THSD1: variants seen among roughly 807,000 people sequenced by gnomAD.
THSD1 encodes the protein thrombospondin type 1 domain containing 1, also known as thrombospondin type-1 domain-containing protein 1.
In THSD1, 34 loss-of-function variants were observed where a neutral mutation model predicts 46.3. The observed-to-expected ratio is 0.74, with a 90% CI of 0.56 to 0.98. The LOEUF (loss-of-function observed/expected upper bound fraction) is 0.98, where lower values mean the gene tolerates loss of function less well. Ranked by LOEUF, THSD1 falls within the 50% of genes least tolerant of loss-of-function variation. THSD1 has a pLI of 0.00. For missense variants in THSD1, 1,023 were observed against 1,058.3 expected (o/e 0.97, Z 0.46); for synonymous variants, 407 against 416.5 (o/e 0.98, Z 0.28).
intron 4 of THSD1, 105 bp from the exon 5 acceptor site, chr13:52,378,894 G>C (rs1957668842): frequency 1.6e-6 from 2 of 1,241,984 alleles, no homozygotes; most frequent in East Asian, 2.7e-5. Context: ...ATGGAGTCTT[G>C]CTCTGTTGCC....
chr13:52,392,591 C>T (rs1314374799), intron 3 of THSD1, among the ~76,000 whole-genome samples: 1 of 152,194 alleles, frequency 6.6e-6, no homozygotes, highest in Non-Finnish European at 1.5e-5. Context: ...ACCTGTTTGT[C>T]CAGGCTAAAT....
intron 3 of THSD1, among the ~76,000 whole-genome samples, chr13:52,391,654 T>C (rs1957773621): frequency 6.6e-6 from 1 of 151,856 alleles, no homozygotes. Flanking sequence ...AGCAATTCCC[T>C]TGCCTCAGGC....
chr13:52,378,182 C>T lies in THSD1; in HGVS notation c.1788G>A (p.Ala596=), dbSNP rs74888104. ...AGGGAGGCCTTTCCCCGGCACTGAC[C>T]GCGGGCTGCTCCGGAAATGGGGATT... is the stretch of plus-strand genomic sequence containing the variant. ...RIKSPFPEQP[A]VSAGERPPSR... is the part of the protein sequence containing the mutation. Residue 596 remains alanine (A), a synonymous_variant, in exon 5 of 5, where the codon GCG becomes GCA. Transcript: ENST00000258613. The T allele has an allele frequency of 1.5e-4, 250 of 1,614,180 alleles. 1 individual carries two copies. In the African/African-American group the frequency reaches 2.7e-3, roughly 17 times the overall value.
intron 4 of THSD1, among the ~76,000 whole-genome samples, chr13:52,379,587 G>A (rs538328717): frequency 7.1e-4 from 108 of 152,004 alleles, no homozygotes; most frequent in African/African-American, 2.5e-3. Flanking sequence ...TGATTCTCCC[G>A]CCTCAGCCTC....
At chr13:52,396,301 A>G (rs1957810249) in intron 3 of THSD1, among the ~76,000 whole-genome samples, 1 of 152,134 alleles carries the variant, frequency 6.6e-6, no homozygotes, top group Non-Finnish European at 1.5e-5. Context: ...AGGCATGTGG[A>G]TCACAAGGTC....
rs146860541 is a variant in THSD1, at chr13:52,378,521, G to A, written c.1449C>T (p.Asp483=). The part of the protein sequence containing the change: ...EQRGSFSDGG[D]GPTGSPGDTG... ...TGTCCCCTGGACTCCCCGTGGGCCC[G>A]TCTCCCCCATCCGAGAAGCTCCCGC... The change falls in exon 5 of 5, where the codon GAC becomes GAT. Residue 483 remains aspartate, a synonymous_variant. Coordinates refer to ENST00000258613, the MANE Select transcript of THSD1 (RefSeq NM_018676.4). The A allele has an allele frequency of 1.1e-4, 180 of 1,613,974 alleles. No individual in the cohort carries two copies. Among genetic ancestry groups the A allele is most frequent in the Admixed American group, 1.7e-4 (10 of 59,994 alleles).
intron 3 of THSD1, among the ~76,000 whole-genome samples, chr13:52,388,077 G>A (rs1210320353): frequency 1.3e-5 from 2 of 151,534 alleles, no homozygotes; most frequent in Non-Finnish European, 2.9e-5. Context: ...CACCAGAGAA[G>A]AATGACAATA....
intron 2 of THSD1, among the ~76,000 whole-genome samples, chr13:52,401,591 G>A (rs1957862844): frequency 6.6e-6 from 1 of 152,128 alleles, no homozygotes; most frequent in Non-Finnish European, 1.5e-5. Flanking sequence ...GAGCCACCGC[G>A]CCCGGCCAAA....
intron 4 of THSD1, among the ~76,000 whole-genome samples, chr13:52,382,534 G>A (rs1228009005): frequency 6.6e-6 from 1 of 152,016 alleles, no homozygotes; most frequent in Admixed American, 6.6e-5. Context: ...CTGGCCTCAC[G>A]TCTCCCACCC....
Position 52,378,482 on chromosome 13 carries a change from C to T in THSD1, c.1488G>A (p.Leu496=). The T allele has an allele frequency of 6.2e-7, 1 of 1,614,214 alleles. No individual in the cohort carries two copies. The highest frequency in any genetic ancestry group is 8.5e-7 in the Non-Finnish European group (1 of 1,180,038). Residue 496 remains leucine, a synonymous_variant, in exon 5 of 5, where the codon CTG becomes CTA. Transcript: ENST00000258613. The part of the protein sequence containing the change: ...TGSPGDTGIP[L]TYRRSGPVPP... Reference sequence around the variant, plus strand: ...GTACCGGCCCGCTCCGCCTGTAGGTCAGAGGGATGCCTGTGTCCCCTGGAC... The same window carrying T: ...GTACCGGCCCGCTCCGCCTGTAGGTTAGAGGGATGCCTGTGTCCCCTGGAC...
rs1370479713 is a variant in THSD1, at chr13:52,377,549, A to C, written c.2421T>G (p.Pro807=). The C allele has an allele frequency of 6.2e-7, 1 of 1,602,412 alleles. No individual in the cohort carries two copies. The highest frequency in any genetic ancestry group is 1.1e-5 in the South Asian group (1 of 90,704). Residue 807 remains proline, a synonymous_variant, in exon 5 of 5, where the codon CCT becomes CCG. Transcript: ENST00000258613. ...ACGTATTGTCATAGAAGGCAAACTC[A>C]GGGTGAGTGGGGAAGCTTTGACACT... is the stretch of plus-strand genomic sequence containing the variant. The part of the protein sequence containing the change: ...KDKCQSFPTH[P]EFAFYDNTSF...
chr13:52,387,594 T>TAACA (rs1291167082), intron 3 of THSD1, among the ~76,000 whole-genome samples: 12 of 152,208 alleles, frequency 7.9e-5, no homozygotes, highest in African/African-American at 2.9e-4. Flanking sequence ...GTGAACAAGA[T>TAACA]GCATAAACAG....
Position 52,385,951 on chromosome 13 carries a change from T to C in THSD1, c.1180+77A>G. On this transcript the variant is annotated intron_variant, in intron 4 of 4. Transcript: ENST00000258613. The stretch of plus-strand genomic sequence containing the variant: ...ACTCCTGATCTTAGACTGGTAACTC[T>C]CAGGCAGGCCTGGGTTCAATATTCC... 7 of 1,395,850 alleles carry C rather than the reference T, an allele frequency of 5.0e-6. No homozygotes were observed. The South Asian group carries it at 7.9e-5, about 16-fold the overall frequency. 86.5% of individuals were successfully genotyped at this position (1,395,850 alleles called of 1,614,324 possible). A position where few individuals can be genotyped will look rare whatever the true frequency, so the allele number is the denominator to read the frequency against.
intron 3 of THSD1, among the ~76,000 whole-genome samples, chr13:52,396,333 C>T (rs1183635866): frequency 6.6e-6 from 1 of 152,094 alleles, no homozygotes; most frequent in Non-Finnish European, 1.5e-5. Context: ...ACCATCCTGG[C>T]TAACACAGTG....
chr13:52,377,749 C>G lies in THSD1; in HGVS notation c.2221G>C (p.Gly741Arg). The G allele has an allele frequency of 1.2e-6, 2 of 1,614,084 alleles. No homozygotes were observed. The highest frequency in any genetic ancestry group is 4.5e-5 in the East Asian group (2 of 44,874). The change falls in exon 5 of 5, where the codon GGG (glycine) becomes CGG (arginine). Residue 741 changes from glycine to arginine, a missense_variant. Gly to Arg is a moderately radical substitution (Grantham distance 125). Coordinates refer to ENST00000258613, the MANE Select transcript of THSD1 (RefSeq NM_018676.4). ...GCCACTAATCCTGCCTGGTGATCCC[C>G]AAGGTCTGGTTTCCTCAAGGGCTGC... Reference protein sequence around the residue: ...LGQPLRKPDLGDHQAGLVAGI... With the variant: ...LGQPLRKPDLRDHQAGLVAGI...
At chr13:52,394,595 C>T (rs1349757187) in intron 3 of THSD1, among the ~76,000 whole-genome samples, 1 of 146,578 alleles carries the variant, frequency 6.8e-6, no homozygotes, top group Non-Finnish European at 1.5e-5. Flanking sequence ...GCCTGGGCAA[C>T]AGAGCAAGAC....
At chr13:52,387,431 A>G (rs900858894) in intron 3 of THSD1, among the ~76,000 whole-genome samples, 80 of 152,224 alleles carry the variant, frequency 5.3e-4, no homozygotes, top group African/African-American at 1.7e-3. Flanking sequence ...ACTCAAAATT[A>G]TTAGGCACAA....
rs765153029 is a variant in THSD1, at chr13:52,382,858, C to T, written c.1180+3170G>A. 1.4e-4 allele frequency among the ~76,000 whole-genome samples: 22 copies of T among 152,094 alleles called. 1 individual carries two copies. The highest frequency in any genetic ancestry group is 6.8e-3 in the Middle Eastern group (2 of 294). On this transcript the variant is annotated intron_variant, in intron 4 of 4. Coordinates refer to ENST00000258613, the MANE Select transcript of THSD1 (RefSeq NM_018676.4). ...TCTACTAAAAATACAAAAACTTAGC[C>T]GGGTGTGGTGGTGTGCACCTGTAGT...
chr13:52,403,831 G>A (rs1297716903), intron 1 of THSD1, among the ~76,000 whole-genome samples: 2 of 151,714 alleles, frequency 1.3e-5, no homozygotes, highest in Non-Finnish European at 2.9e-5. Context: ...AAGATACTGG[G>A]CATTTAAGAC....
Sources: allele counts gnomAD v4.1 joint callset (sites outside exome capture counted in the v4.1 genomes callset), GRCh38; gene constraint gnomAD v4.1.1; transcripts MANE v1.5; gene names NCBI Gene and HGNC (gene_info 2026-07-23, HGNC 2026-07-21).